Variants in PRKCA observed in about 807,000 individuals in gnomAD.
PRKCA encodes protein kinase C alpha type.
Under a neutral mutation model 87.0 loss-of-function variants are expected in PRKCA, and 27 were observed. That is an observed-to-expected ratio of 0.31 (90% CI 0.23 to 0.43). The LOEUF is 0.43. Ranked by LOEUF, PRKCA falls within the 20% of genes least tolerant of loss-of-function variation. PRKCA has a pLI of 1.00. For missense variants in PRKCA, 518 were observed against 852.3 expected (o/e 0.61, Z 4.88); for synonymous variants, 329 against 311.1 (o/e 1.06, Z -0.61).
At chr17:66,437,017 T>C (rs1913431344) in intron 2 of PRKCA, among the ~76,000 whole-genome samples, 1 of 151,720 alleles carries the variant, frequency 6.6e-6, no homozygotes, top group Non-Finnish European at 1.5e-5. Context: ...TGATGGGAGA[T>C]TATAGGAAAA....
At chr17:66,560,816 G>A (rs1010477046) in intron 3 of PRKCA, among the ~76,000 whole-genome samples, 2 of 152,188 alleles carry the variant, frequency 1.3e-5, no homozygotes, top group African/African-American at 4.8e-5. Flanking sequence ...CCAAAGCCCT[G>A]GATGTCATTC....
intron 13 of PRKCA, among the ~76,000 whole-genome samples, chr17:66,760,820 A>G (rs1464567636): frequency 6.6e-6 from 1 of 152,224 alleles, no homozygotes; most frequent in Non-Finnish European, 1.5e-5. Flanking sequence ...GTTGAATCCA[A>G]CATGTATAGT....
intron 2 of PRKCA, among the ~76,000 whole-genome samples, chr17:66,463,634 A>T (rs529421830): frequency 2.6e-5 from 4 of 152,268 alleles, no homozygotes; most frequent in African/African-American, 9.6e-5. Context: ...TGACCTCATG[A>T]TCTGCCTGCC....
At chr17:66,581,624 C>T (rs752425387) in intron 3 of PRKCA, among the ~76,000 whole-genome samples, 6 of 151,912 alleles carry the variant, frequency 3.9e-5, no homozygotes, top group African/African-American at 7.3e-5. Context: ...TACAGGCACC[C>T]GCCACCACGC....
intron 3 of PRKCA, among the ~76,000 whole-genome samples, chr17:66,589,538 C>CT (rs1567918457): frequency 6.6e-6 from 1 of 152,114 alleles, no homozygotes; most frequent in East Asian, 1.9e-4. Flanking sequence ...AAGGAGCAAT[C>CT]TTTAAGTGAA....
intron 2 of PRKCA, among the ~76,000 whole-genome samples, chr17:66,475,892 T>A (rs76399534): frequency 0.04 from 6,024 of 152,160 alleles, 348 homozygotes; most frequent in African/African-American, 0.13. Flanking sequence ...GATTTTCTTC[T>A]TATTTTTTAG....
chr17:66,804,260 C>G lies in PRKCA; in HGVS notation c.*223C>G. The G allele has an allele frequency of 3.7e-6, 2 of 547,352 alleles. No individual in the cohort carries two copies. Among genetic ancestry groups the G allele is most frequent in the Non-Finnish European group, 5.9e-6 (2 of 338,060 alleles). 33.9% of individuals were successfully genotyped at this position (547,352 alleles called of 1,614,324 possible). ...GAAGATGGTACGTCATGCTCAGTGTCCAGTTTAATTCTGTAGAAGTTACGT... is the reference window on the plus strand; with the variant it reads ...GAAGATGGTACGTCATGCTCAGTGTGCAGTTTAATTCTGTAGAAGTTACGT... On this transcript the variant is annotated 3_prime_UTR_variant, in exon 17 of 17. Transcript: ENST00000413366.
intron 3 of PRKCA, chr17:66,638,515 G>A (rs1225955107): frequency 1.3e-5 from 2 of 152,020 alleles, no homozygotes; most frequent in South Asian, 2.1e-4. Flanking sequence ...GACACGAGGG[G>A]TTTACTATTC....
chr17:66,586,156 C>T (rs188736697), intron 3 of PRKCA, among the ~76,000 whole-genome samples: 65 of 152,266 alleles, frequency 4.3e-4, no homozygotes, highest in East Asian at 4.1e-3. Context: ...ATTGCTATGG[C>T]ACCATAACCT....
chr17:66,522,374 C>T (rs896314516), intron 3 of PRKCA, among the ~76,000 whole-genome samples: 2 of 152,084 alleles, frequency 1.3e-5, no homozygotes, highest in East Asian at 1.9e-4. Flanking sequence ...ATGAGTTTAT[C>T]TCAGTTATGC....
chr17:66,312,516 T>C (rs1392798717), intron 2 of PRKCA, among the ~76,000 whole-genome samples: 4 of 152,216 alleles, frequency 2.6e-5, no homozygotes, highest in African/African-American at 9.6e-5. Flanking sequence ...TAAAGTCTCC[T>C]GCCTGACCTC....
chr17:66,344,353 T>C (rs564594419), intron 2 of PRKCA, among the ~76,000 whole-genome samples: 1 of 152,206 alleles, frequency 6.6e-6, no homozygotes, highest in Non-Finnish European at 1.5e-5. Flanking sequence ...GTTTAGCTTT[T>C]CCAATAGAAA....
intron 3 of PRKCA, among the ~76,000 whole-genome samples, chr17:66,497,735 A>G (rs1300759557): frequency 6.6e-6 from 1 of 152,224 alleles, no homozygotes; most frequent in African/African-American, 2.4e-5. Flanking sequence ...TCCCATCAGG[A>G]AACTTTAATT....
At chr17:66,595,350 C>T (rs950534782) in intron 3 of PRKCA, among the ~76,000 whole-genome samples, 3 of 151,974 alleles carry the variant, frequency 2.0e-5, no homozygotes, top group East Asian at 1.9e-4. Context: ...ACTTTTCTTT[C>T]GCAAGTACAT....
intron 2 of PRKCA, among the ~76,000 whole-genome samples, chr17:66,472,040 C>T (rs1196270907): frequency 6.6e-6 from 1 of 152,208 alleles, no homozygotes; most frequent in Non-Finnish European, 1.5e-5. Context: ...TAGATCACTG[C>T]AGCCTGGAAC....
chr17:66,332,229 CTTTT>C (rs59302970), intron 2 of PRKCA, among the ~76,000 whole-genome samples: 5 of 129,922 alleles, frequency 3.8e-5, no homozygotes, highest in Non-Finnish European at 8.0e-5. Context: ...TTCCTTCCTT[CTTTT>C]TTTTTTTTTT....
At chr17:66,436,018 C>T (rs538947398) in intron 2 of PRKCA, among the ~76,000 whole-genome samples, 2 of 152,068 alleles carry the variant, frequency 1.3e-5, no homozygotes, top group South Asian at 4.2e-4. Flanking sequence ...CTGAGTGGAT[C>T]CATGGTGCAA....
chr17:66,455,998 G>T (rs533022811), intron 2 of PRKCA, among the ~76,000 whole-genome samples: 1 of 152,126 alleles, frequency 6.6e-6, no homozygotes, highest in East Asian at 1.9e-4. Context: ...TAAATCCATT[G>T]ACTGTTGTTC....
rs1053034656 is a variant in PRKCA at position 66,719,670 on chromosome 17, G to A, written c.919-13018G>A. Among the ~76,000 whole-genome samples, 5 of 152,360 alleles carry A rather than the reference G, an allele frequency of 3.3e-5. No individual in the cohort carries two copies. In the South Asian group the frequency reaches 1.0e-3, roughly 32 times the overall value. On this transcript the variant is annotated intron_variant, in intron 8 of 16. Transcript: ENST00000413366. ...TAATCCCAGCTACTCAGGAGGCTGA[G>A]GTGCGAGAATCGCTTGAACCCAGGA...
Sources: gnomAD v4.1 joint callset for allele counts (sites outside exome capture counted in the v4.1 genomes callset) on GRCh38, gnomAD v4.1.1 for gene constraint, MANE v1.5 for transcripts, NCBI Gene and HGNC (gene_info 2026-07-23, HGNC 2026-07-21) for gene names.